DHRSX: variants seen among roughly 807,000 people sequenced by gnomAD.
The protein encoded by DHRSX is polyprenol dehydrogenase.
A neutral mutation model predicts 34.0 loss-of-function variants in DHRSX; 31 were observed. That is an observed-to-expected ratio of 0.91 (90% confidence interval 0.69 to 1.23). The LOEUF (loss-of-function observed/expected upper bound fraction) is 1.23. Among genes scored for constraint, DHRSX ranks in the 50% most tolerant of loss-of-function variants. The probability of loss-of-function intolerance (pLI) is 0.00; values close to 1 mark genes in which losing one functional copy is unlikely to be tolerated. For synonymous variants in DHRSX, 201 were observed against 183.8 expected, an observed-to-expected ratio of 1.09 and a Z score of -0.76; for missense variants, 414 against 428.1, an observed-to-expected ratio of 0.97 and a Z score of 0.29.
chrX:2,305,845 TG>T (rs1489010546), intron 3 of DHRSX, among the ~76,000 whole-genome samples: 2 of 59,344 alleles, frequency 3.4e-5, no homozygotes, highest in Non-Finnish European at 6.9e-5. Context: ...TGTTGGGGGG[TG>T]GGGGGCAAGG....
At chrX:2,242,632 A>C (rs2016167140) in intron 6 of DHRSX, among the ~76,000 whole-genome samples, 1 of 152,140 alleles carries the variant, frequency 6.6e-6, no homozygotes, top group Admixed American at 6.6e-5. Context: ...CACAAAAAGC[A>C]AAATGGCGAC....
chrX:2,275,020 T>C (rs1412292895), intron 4 of DHRSX, among the ~76,000 whole-genome samples: 3 of 152,084 alleles, frequency 2.0e-5, no homozygotes, highest in Non-Finnish European at 2.9e-5. Flanking sequence ...AGAGGAGGGA[T>C]TGACGGAAGT....
chrX:2,317,256 C>CCTTTTTTTTTTTTT (rs2042251425), intron 3 of DHRSX, among the ~76,000 whole-genome samples: 1 of 87,440 alleles, frequency 1.1e-5, no homozygotes, highest in African/African-American at 5.5e-5. Context: ...CCGCGCCTGG[C>CCTTTTTTTTTTTTT]TTTTTTTTTT....
intron 4 of DHRSX, among the ~76,000 whole-genome samples, chrX:2,271,859 T>C (rs1249589973): frequency 1.3e-5 from 2 of 151,922 alleles, no homozygotes; most frequent in African/African-American, 4.8e-5. Context: ...TTGGCCAACA[T>C]GGAGAAACCT....
Position 2,464,910 on chromosome X carries a change from A to T in DHRSX, c.109+35907T>A, listed in dbSNP as rs751524253. On this transcript the variant is annotated intron_variant, in intron 1 of 6. Transcript: ENST00000334651. ...GACTGATACCATGTGCACAATGAAG[A>T]TGTTCCCTAACCATAGGCCAACAGA... is the stretch of plus-strand genomic sequence containing the variant. Among the ~76,000 whole-genome samples the T allele has an allele frequency of 2.6e-5, 4 of 151,578 alleles. No individual in the cohort carries two copies. In the South Asian group the frequency reaches 6.3e-4, roughly 24 times the overall value.
chrX:2,266,874 C>A lies in DHRSX; in HGVS notation c.462G>T (p.Gly154=), dbSNP rs1256676568. ...AGAGAAGGTTGGTCAGCAGGAAGTGCCCTAGGTAGTTCAGGCCGAAATGTT... is the reference window on the plus strand; with the variant it reads ...AGAGAAGGTTGGTCAGCAGGAAGTGACCTAGGTAGTTCAGGCCGAAATGTT... ...FEEHFGLNYL[G]HFLLTNLLLD... The change falls in exon 5 of 7, where the codon GGG becomes GGT. Residue 154 remains glycine, a synonymous_variant. Coordinates refer to ENST00000334651, the MANE Select transcript of DHRSX (RefSeq NM_145177.3). 2 of 1,613,820 alleles carry A rather than the reference C, an allele frequency of 1.2e-6. No homozygotes were observed. The highest frequency in any genetic ancestry group is 2.7e-5 in the African/African-American group (2 of 74,908).
At chrX:2,421,758 G>A (rs1428051575) in intron 2 of DHRSX, among the ~76,000 whole-genome samples, 4 of 152,220 alleles carry the variant, frequency 2.6e-5, no homozygotes, top group East Asian at 1.9e-4. Context: ...GATGGCCATC[G>A]AGGCTCAGAA....
At chrX:2,335,843 A>C (rs1020216242) in intron 3 of DHRSX, among the ~76,000 whole-genome samples, 16 of 151,950 alleles carry the variant, frequency 1.1e-4, no homozygotes, top group African/African-American at 3.6e-4. Flanking sequence ...GGGGACCCCA[A>C]GATTTTCCTT....
intron 1 of DHRSX, among the ~76,000 whole-genome samples, chrX:2,430,006 G>C (rs1361185299): frequency 5.3e-5 from 8 of 152,150 alleles, no homozygotes; most frequent in Non-Finnish European, 1.0e-4. Context: ...GGAAGAGACA[G>C]TCCTGCTTAT....
chrX:2,423,266 A>C (rs2043803682), intron 2 of DHRSX, among the ~76,000 whole-genome samples: 2 of 151,968 alleles, frequency 1.3e-5, no homozygotes, highest in South Asian at 4.2e-4. Context: ...TACAAAAATT[A>C]GCAGGGCATG....
chrX:2,345,365 G>C (rs866026953), intron 3 of DHRSX, among the ~76,000 whole-genome samples: 54 of 151,638 alleles, frequency 3.6e-4, no homozygotes, highest in South Asian at 1.0e-3. Context: ...AGACTGGGCT[G>C]GGTGCAGTGG....
At chrX:2,304,261 G>GTGGGTGGGTGGATGGA (rs2042071369) in intron 3 of DHRSX, among the ~76,000 whole-genome samples, 1 of 91,500 alleles carries the variant, frequency 1.1e-5, no homozygotes, top group Non-Finnish European at 2.1e-5. Flanking sequence ...GGATGGATGG[G>GTGGGTGGGTGGATGGA]TGGGTGGGTG....
chrX:2,373,786 G>T (rs1338077368), intron 3 of DHRSX, among the ~76,000 whole-genome samples: 6 of 152,176 alleles, frequency 3.9e-5, no homozygotes, highest in Admixed American at 3.9e-4. Flanking sequence ...ACCTAGGCAG[G>T]CTTCCTGGAG....
At chrX:2,356,382 G>GA (rs1172210195) in intron 3 of DHRSX, among the ~76,000 whole-genome samples, 4 of 151,780 alleles carry the variant, frequency 2.6e-5, no homozygotes, top group African/African-American at 7.3e-5. Context: ...CTCAAAAAAA[G>GA]AAAAAAAATG....
intron 4 of DHRSX, among the ~76,000 whole-genome samples, chrX:2,270,970 A>G (rs2041544455): frequency 1.3e-5 from 2 of 151,586 alleles, no homozygotes; most frequent in African/African-American, 4.9e-5. Context: ...ACTCTGTAAA[A>G]TGGACCAGTC....
chrX:2,438,600 G>A (rs770538257), intron 1 of DHRSX, among the ~76,000 whole-genome samples: 3 of 151,190 alleles, frequency 2.0e-5, no homozygotes, highest in East Asian at 2.0e-4. Context: ...CCCAGGAGGC[G>A]GACATTGCGG....
At chrX:2,385,936 G>A (rs1234384170) in intron 3 of DHRSX, among the ~76,000 whole-genome samples, 2 of 151,988 alleles carry the variant, frequency 1.3e-5, no homozygotes, top group Non-Finnish European at 2.9e-5. Flanking sequence ...ACACACCTTA[G>A]GATTTGTGGG....
intron 1 of DHRSX, among the ~76,000 whole-genome samples, chrX:2,494,112 C>T (rs1603183062): frequency 6.6e-6 from 1 of 152,100 alleles, no homozygotes; most frequent in African/African-American, 2.4e-5. Context: ...AAAGCTGGAG[C>T]AAACATCCAT....
chrX:2,232,300 T>C (rs2124411542), intron 6 of DHRSX, among the ~76,000 whole-genome samples: 1 of 150,988 alleles, frequency 6.6e-6, no homozygotes, highest in Admixed American at 6.7e-5. Flanking sequence ...GGCTGGGGGA[T>C]TCCTGAATGA....
Sources: allele counts gnomAD v4.1 joint callset (sites outside exome capture counted in the v4.1 genomes callset), GRCh38; gene constraint gnomAD v4.1.1; transcripts MANE v1.5; gene names NCBI Gene and HGNC (gene_info 2026-07-23, HGNC 2026-07-21).